The following GUCY2F variants were observed in gnomAD, a reference collection of about 807,000 sequenced individuals.
GUCY2F encodes the protein retinal guanylyl cyclase 2.
Under a neutral mutation model 73.1 loss-of-function variants are expected in GUCY2F, and 61 were observed. That is an observed-to-expected ratio of 0.83 (90% CI 0.68 to 1.03). GUCY2F has a LOEUF of 1.03. GUCY2F is among the 50% of genes least tolerant of loss of function. The pLI is 0.00. For synonymous variants in GUCY2F, 331 were observed against 307.8 expected, an observed-to-expected ratio of 1.08 and a Z score of -0.79; for missense variants, 912 against 854.3, an observed-to-expected ratio of 1.07 and a Z score of -0.84.
At chrX:109,464,613 G>T (rs962338289) in intron 3 of GUCY2F, among the ~76,000 whole-genome samples, 2 of 112,410 alleles carry the variant, frequency 1.8e-5, no homozygotes, top group African/African-American at 6.5e-5. Context: ...AAAAAGACCT[G>T]CCCTCATGGG....
At chrX:109,472,503 C>A (rs1932595015) in intron 2 of GUCY2F, among the ~76,000 whole-genome samples, 1 of 111,967 alleles carries the variant, frequency 8.9e-6, no homozygotes, top group African/African-American at 3.3e-5. Context: ...AGTTTGTTGT[C>A]TTTTTAGTTC....
At chrX:109,438,696 C>T (rs1175281015) in intron 7 of GUCY2F, among the ~76,000 whole-genome samples, 4 of 112,915 alleles carry the variant, frequency 3.5e-5, no homozygotes, top group Admixed American at 2.8e-4. Context: ...ACCCATGCCA[C>T]AGCTCTCACA....
At chrX:109,388,684 A>T (rs1425131341) in intron 14 of GUCY2F, 21 bp from the exon 15 acceptor site, 1 of 1,096,467 alleles carries the variant, frequency 9.1e-7, no homozygotes, top group Non-Finnish European at 1.3e-6. Flanking sequence ...GGAAAAATAG[A>T]ATTAGCAAAC....
chrX:109,423,618 T>C (rs1250284432), intron 8 of GUCY2F, among the ~76,000 whole-genome samples: 2 of 105,994 alleles, frequency 1.9e-5, no homozygotes, highest in Non-Finnish European at 1.9e-5. Flanking sequence ...GGTCTCTTTA[T>C]GTTGCCCAGG....
At chrX:109,441,536 C>A in intron 6 of GUCY2F, 54 bp from the exon 7 acceptor site, 2 of 898,567 alleles carry the variant, frequency 2.2e-6, no homozygotes, top group Non-Finnish European at 3.0e-6. Context: ...TGATTTGGCA[C>A]AGAGCTTATC....
chrX:109,474,853 C>G (rs1303501605), intron 2 of GUCY2F, among the ~76,000 whole-genome samples: 1 of 111,584 alleles, frequency 9.0e-6, no homozygotes, highest in African/African-American at 3.3e-5. Context: ...TAAGAAGACC[C>G]GCGCCTCCCC....
Position 109,452,111 on chromosome X carries a change from C to A in GUCY2F, c.1388-4G>T, listed in dbSNP as rs1289700641. The A allele has an allele frequency of 2.0e-6, 2 of 1,021,785 alleles. No individual in the cohort carries two copies. The highest frequency in any genetic ancestry group is 1.4e-6 in the Non-Finnish European group (1 of 723,983). The allele number at this position is 1,021,785 out of a possible 1,213,427, so 84.2% of individuals were successfully genotyped here. A position where few individuals can be genotyped will look rare whatever the true frequency, so the allele number is the denominator to read the frequency against. On this transcript the variant is annotated splice_polypyrimidine_tract_variant and splice_region_variant and intron_variant, in intron 4 of 19. Transcript: ENST00000218006. Reference sequence around the variant, plus strand: ...ATGGCAAAGGCAGGGTCGATGCCTGCAGAGAGTGAGAGGAAGAGGAAGAAT... The same window carrying A: ...ATGGCAAAGGCAGGGTCGATGCCTGAAGAGAGTGAGAGGAAGAGGAAGAAT...
At chrX:109,448,895 C>A (rs764617823) in intron 5 of GUCY2F, among the ~76,000 whole-genome samples, 116 of 112,154 alleles carry the variant, frequency 1.0e-3, no homozygotes, top group Non-Finnish European at 1.8e-3. Context: ...ACCCGATTCT[C>A]TCTAAACATG....
rs1932685844 is a variant in GUCY2F, at chrX:109,475,966, G to A, written c.-30C>T. On this transcript the variant is annotated 5_prime_UTR_variant, in exon 2 of 20. Coordinates refer to ENST00000218006, the MANE Select transcript of GUCY2F (RefSeq NM_001522.3). ...CTCCTGCTTCCAGCAAGCTAATGAC[G>A]AGATACTGGAGAGTTATTCTGCTTT... 13 of 1,152,397 alleles carry A rather than the reference G, an allele frequency of 1.1e-5. No individual in the cohort carries two copies. Among genetic ancestry groups the A allele is most frequent in the Non-Finnish European group, 1.5e-5 (13 of 863,173 alleles). 95.0% of individuals were successfully genotyped at this position (1,152,397 alleles called of 1,213,427 possible).
At chrX:109,458,715 A>G (rs2300119) in intron 3 of GUCY2F, among the ~76,000 whole-genome samples, 4,575 of 110,836 alleles carry the variant, frequency 0.041, 198 homozygotes, top group African/African-American at 0.13. Flanking sequence ...CTGACCCACA[A>G]TAATAATAAT....
At chrX:109,399,033 T>C (rs181135675) in intron 10 of GUCY2F, among the ~76,000 whole-genome samples, 12 of 112,266 alleles carry the variant, frequency 1.1e-4, no homozygotes, top group African/African-American at 3.6e-4. Flanking sequence ...GAAAGGCAAG[T>C]GTGCTACCAC....
intron 16 of GUCY2F, 27 bp downstream of exon 16, chrX:109,385,157 C>T: frequency 1.3e-6 from 1 of 790,700 alleles, no homozygotes. Context: ...TGGTGCCATC[C>T]TATCCATCTC....
intron 15 of GUCY2F, 68 bp from the exon 16 acceptor site, chrX:109,385,350 G>A (rs616218): frequency 0.23 from 122,309 of 534,600 alleles, 13,362 homozygotes; most frequent in East Asian, 0.64. Context: ...GAGGAATAGT[G>A]CAAAGAGGAA....
chrX:109,474,347 T>C (rs1417208262), intron 2 of GUCY2F, among the ~76,000 whole-genome samples: 2 of 110,808 alleles, frequency 1.8e-5, no homozygotes, highest in Non-Finnish European at 3.8e-5. Flanking sequence ...GAAGGTAAAA[T>C]GGAGGTTAAA....
intron 16 of GUCY2F, among the ~76,000 whole-genome samples, 181 bp from the exon 17 acceptor site, chrX:109,382,393 C>T (rs1390159257): frequency 1.8e-5 from 2 of 112,020 alleles, no homozygotes; most frequent in African/African-American, 3.2e-5. Flanking sequence ...TTCACCAGGC[C>T]GAAATAAGGC....
intron 7 of GUCY2F, among the ~76,000 whole-genome samples, chrX:109,434,918 T>C (rs1338377251): frequency 9.0e-6 from 1 of 110,625 alleles, no homozygotes; most frequent in Non-Finnish European, 1.9e-5. Flanking sequence ...CTCAGGTTTG[T>C]CAAAGATCAG....
intron 16 of GUCY2F, among the ~76,000 whole-genome samples, chrX:109,383,837 G>A (rs1033860370): frequency 2.7e-5 from 3 of 112,036 alleles, no homozygotes; most frequent in East Asian, 2.8e-4. Flanking sequence ...GTTTTCCCTG[G>A]TTCAGACCAG....
chrX:109,441,871 T>C (rs747963794), intron 6 of GUCY2F, among the ~76,000 whole-genome samples: 1 of 111,798 alleles, frequency 8.9e-6, no homozygotes, highest in South Asian at 3.7e-4. Context: ...TACAAGATTA[T>C]TGTTTGTAAA....
At chrX:109,473,522 C>T (rs932709926) in intron 2 of GUCY2F, among the ~76,000 whole-genome samples, 4 of 111,621 alleles carry the variant, frequency 3.6e-5, no homozygotes, top group African/African-American at 1.3e-4. Context: ...CTGGAGGTGG[C>T]GCTGTGGCAC....
Sources: gnomAD v4.1 joint callset for allele counts (sites outside exome capture counted in the v4.1 genomes callset) on GRCh38, gnomAD v4.1.1 for gene constraint, MANE v1.5 for transcripts, NCBI Gene and HGNC (gene_info 2026-07-23, HGNC 2026-07-21) for gene names.